Variants in SPIDR observed in about 807,000 individuals in gnomAD.
SPIDR encodes the protein DNA repair-scaffolding protein.
In SPIDR, 93 loss-of-function variants were observed where a neutral mutation model predicts 104.6. The ratio of observed to expected loss-of-function variants is 0.89; its 90% confidence interval spans 0.75 to 1.06. The LOEUF (loss-of-function observed/expected upper bound fraction) is 1.06, where lower values mean the gene tolerates loss of function less well. Among genes scored for constraint, SPIDR ranks in the 50% least tolerant of loss-of-function variants. The pLI is 0.00. For missense variants in SPIDR, 1,154 were observed against 1,111.2 expected (o/e 1.04, Z -0.55); for synonymous variants, 431 against 416.9 (o/e 1.03, Z -0.41).
chr8:47,322,310 T>C (rs2046804838), intron 5 of SPIDR, among the ~76,000 whole-genome samples: 1 of 152,144 alleles, frequency 6.6e-6, no homozygotes, highest in African/African-American at 2.4e-5. Context: ...AAGAAGACAT[T>C]TATGCAGCCA....
At chr8:47,292,279 GTAGT>G (rs2154238674) in intron 4 of SPIDR, among the ~76,000 whole-genome samples, 1 of 152,248 alleles carries the variant, frequency 6.6e-6, no homozygotes, top group East Asian at 1.9e-4. Context: ...TCTCGGGAGG[GTAGT>G]TAAATTCTTT....
intron 10 of SPIDR, among the ~76,000 whole-genome samples, chr8:47,658,586 T>C (rs1463169426): frequency 1.4e-5 from 2 of 144,236 alleles, no homozygotes; most frequent in Non-Finnish European, 3.0e-5. Context: ...GTTGTTGTTG[T>C]TAATCTCAGC....
At chr8:47,670,404 A>AGG (rs2075636322) in intron 10 of SPIDR, among the ~76,000 whole-genome samples, 1 of 152,208 alleles carries the variant, frequency 6.6e-6, no homozygotes, top group Non-Finnish European at 1.5e-5. Context: ...GAGAGAAGAG[A>AGG]GGGAAACAAA....
chr8:47,456,866 A>G (rs2073071053), intron 8 of SPIDR, among the ~76,000 whole-genome samples: 3 of 152,134 alleles, frequency 2.0e-5, no homozygotes, highest in South Asian at 2.1e-4. Flanking sequence ...TTGTTTTTCC[A>G]TACCTGAGTT....
intron 7 of SPIDR, among the ~76,000 whole-genome samples, chr8:47,410,499 A>G (rs1243530828): frequency 6.6e-6 from 1 of 151,832 alleles, no homozygotes; most frequent in Non-Finnish European, 1.5e-5. Flanking sequence ...TTCTATACAT[A>G]TCTGTGGGTC....
chr8:47,439,784 A>G (rs1585734591), intron 7 of SPIDR, among the ~76,000 whole-genome samples: 1 of 152,310 alleles, frequency 6.6e-6, no homozygotes, highest in East Asian at 1.9e-4. Context: ...TTGAATCCAG[A>G]TCAAATTCCA....
intron 10 of SPIDR, among the ~76,000 whole-genome samples, chr8:47,644,399 A>T (rs925300523): frequency 6.6e-6 from 1 of 152,216 alleles, no homozygotes; most frequent in Non-Finnish European, 1.5e-5. Context: ...ACATTCTGTG[A>T]TGATGACGTA....
intron 7 of SPIDR, among the ~76,000 whole-genome samples, chr8:47,424,822 G>A (rs183251716): frequency 1.3e-5 from 2 of 152,228 alleles, no homozygotes; most frequent in Admixed American, 1.3e-4. Flanking sequence ...TGTAACCTCC[G>A]CCTCCTGGGT....
In SPIDR at chr8:47,728,769, C is replaced by G. The variant is rs973883562; in HGVS notation, c.2436-164C>G. 3 of 704,584 alleles carry G rather than the reference C, an allele frequency of 4.3e-6. No homozygotes were observed. The African/African-American group carries it at 5.4e-5, about 13-fold the overall frequency. 43.6% of individuals were successfully genotyped at this position (704,584 alleles called of 1,614,324 possible). Reference sequence around the variant, plus strand: ...AGCTAATGTTCATCCCTTGGACAGGCTGAGTCCAGGCAGCTGCAGGCCTCT... The same window carrying G: ...AGCTAATGTTCATCCCTTGGACAGGGTGAGTCCAGGCAGCTGCAGGCCTCT... On this transcript the variant is annotated intron_variant, in intron 17 of 19. Coordinates refer to ENST00000297423, the MANE Select transcript of SPIDR (RefSeq NM_001080394.4).
chr8:47,347,916 G>A (rs2052509639), intron 5 of SPIDR, among the ~76,000 whole-genome samples: 1 of 152,118 alleles, frequency 6.6e-6, no homozygotes, highest in African/African-American at 2.4e-5. Context: ...GCTCGTCTGT[G>A]TCTTTTAATT....
At chr8:47,554,226 C>T (rs200126472) in intron 8 of SPIDR, among the ~76,000 whole-genome samples, 15 of 152,190 alleles carry the variant, frequency 9.9e-5, no homozygotes, top group Middle Eastern at 3.2e-3. Context: ...GCAGTCTGTC[C>T]GTTCTCAGAT....
Position 47,735,492 on chromosome 8 carries a change from GGGT to G in SPIDR, c.*59_*61del, listed in dbSNP as rs749539591. ...TGTGAACTTTGCAATGTGGCTGCAA[GGGT>G]GGTGGTGGTGGTGGTGATTTGGGGT... On this transcript the variant is annotated 3_prime_UTR_variant, in exon 20 of 20. Coordinates refer to ENST00000297423, the MANE Select transcript of SPIDR (RefSeq NM_001080394.4). 40 of 1,612,582 alleles carry G rather than the reference GGGT, an allele frequency of 2.5e-5. No individual in the cohort carries two copies. The highest frequency in any genetic ancestry group is 3.3e-4 in the Middle Eastern group (2 of 6,076).
chr8:47,680,988 G>A (rs892714622), intron 11 of SPIDR, among the ~76,000 whole-genome samples: 6 of 152,154 alleles, frequency 3.9e-5, no homozygotes, highest in East Asian at 1.9e-4. Flanking sequence ...CACTTGAACC[G>A]GGAGGCGGAG....
intron 8 of SPIDR, among the ~76,000 whole-genome samples, chr8:47,463,929 T>C (rs1341284769): frequency 6.6e-6 from 1 of 152,138 alleles, no homozygotes; most frequent in Non-Finnish European, 1.5e-5. Context: ...TTAGAAGCTT[T>C]CCCTCTAAAA....
chr8:47,605,251 G>A (rs1396854149), intron 10 of SPIDR, among the ~76,000 whole-genome samples: 1 of 152,146 alleles, frequency 6.6e-6, no homozygotes, highest in Non-Finnish European at 1.5e-5. Context: ...CTTCCATGTG[G>A]GAGGGGACCC....
chr8:47,590,494 T>C (rs1382283406), intron 8 of SPIDR, among the ~76,000 whole-genome samples: 1 of 152,212 alleles, frequency 6.6e-6, no homozygotes. Flanking sequence ...TATCATTCTG[T>C]TATTGATTTT....
intron 5 of SPIDR, among the ~76,000 whole-genome samples, chr8:47,355,189 C>T (rs1333919093): frequency 1.3e-5 from 2 of 151,176 alleles, no homozygotes; most frequent in African/African-American, 2.4e-5. Context: ...CTCCTGGCCT[C>T]AGGTGGTCCA....
intron 8 of SPIDR, among the ~76,000 whole-genome samples, chr8:47,555,430 G>A (rs539391920): frequency 1.8e-4 from 27 of 152,128 alleles, no homozygotes; most frequent in Non-Finnish European, 3.1e-4. Flanking sequence ...ATCTCACTGG[G>A]GAAATAGACA....
chr8:47,300,673 A>G (rs1375262702), intron 5 of SPIDR, among the ~76,000 whole-genome samples: 10 of 152,176 alleles, frequency 6.6e-5, no homozygotes, highest in African/African-American at 2.2e-4. Flanking sequence ...GTTTCCAAGA[A>G]CATCTTTATT....
Sources: gnomAD v4.1 joint callset for allele counts (sites outside exome capture counted in the v4.1 genomes callset) on GRCh38, gnomAD v4.1.1 for gene constraint, MANE v1.5 for transcripts, NCBI Gene and HGNC (gene_info 2026-07-23, HGNC 2026-07-21) for gene names.